Variants in ZNF540 observed in about 807,000 individuals in gnomAD.
ZNF540 encodes the protein CTD-3064H18.6.
A neutral mutation model predicts 11.8 loss-of-function variants in ZNF540; 3 were observed. That is an observed-to-expected ratio of 0.25 (90% CI 0.12 to 0.65). ZNF540 has a LOEUF of 0.65. Among genes scored for constraint, ZNF540 ranks in the 30% least tolerant of loss-of-function variants. ZNF540 has a pLI of 0.83. For missense variants in ZNF540, 709 were observed against 793.1 expected (o/e 0.89, Z 1.27); for synonymous variants, 247 against 259.0 (o/e 0.95, Z 0.45).
At chr19:37,552,928 C>T (rs561731586) in intron 1 of ZNF540, among the ~76,000 whole-genome samples, 31 of 151,332 alleles carry the variant, frequency 2.0e-4, no homozygotes, top group East Asian at 5.9e-4. Flanking sequence ...GCCTGGGTGA[C>T]GGGGTGAGAC....
At chr19:37,565,011 G>A (rs2093779814) in intron 1 of ZNF540, 1 of 1,613,704 alleles carries the variant, frequency 6.2e-7, no homozygotes, top group Non-Finnish European at 8.5e-7. Context: ...CATTCATAAT[G>A]TTTCTCACCA....
chr19:37,552,295 T>C (rs2042613911), intron 1 of ZNF540, among the ~76,000 whole-genome samples: 1 of 152,332 alleles, frequency 6.6e-6, no homozygotes, highest in South Asian at 2.1e-4. Flanking sequence ...GCTCAGAATA[T>C]AAACAAGCTT....
chr19:37,599,121 G>A (rs1199070902), intron 2 of ZNF540, among the ~76,000 whole-genome samples: 1 of 152,114 alleles, frequency 6.6e-6, no homozygotes, highest in Admixed American at 6.5e-5. Context: ...GTTCACCACT[G>A]TACTCCAGCG....
At chr19:37,555,799 A>C (rs550877297) in intron 1 of ZNF540, 16 of 657,958 alleles carry the variant, frequency 2.4e-5, no homozygotes, top group South Asian at 8.5e-5. Context: ...ACATGCCATA[A>C]TACTACTGAG....
intron 1 of ZNF540, among the ~76,000 whole-genome samples, chr19:37,553,113 CTTTTTTTTTTTTTT>C (rs746114598): frequency 2.1e-4 from 7 of 33,120 alleles, no homozygotes; most frequent in Admixed American, 5.1e-4. Flanking sequence ...AACCTAACAT[CTTTTTTTTTTTTTT>C]TTTTTTTTTT....
chr19:37,605,235 C>T (rs897176674), intron 4 of ZNF540, among the ~76,000 whole-genome samples: 11 of 151,840 alleles, frequency 7.2e-5, no homozygotes, highest in Admixed American at 2.0e-4. Flanking sequence ...CTAAGGCAGG[C>T]GGATCGCTTG....
intron 2 of ZNF540, 33 bp downstream of exon 2, chr19:37,598,489 AT>A: frequency 1.2e-6 from 2 of 1,612,552 alleles, no homozygotes; most frequent in Non-Finnish European, 1.7e-6. Flanking sequence ...TTTTTAGATT[AT>A]TTTGTTTTTA....
chr19:37,557,851 TAA>T (rs2042676947), intron 1 of ZNF540, among the ~76,000 whole-genome samples: 2 of 152,218 alleles, frequency 1.3e-5, no homozygotes, highest in African/African-American at 4.8e-5. Context: ...GGCCCAGAGT[TAA>T]CTTATCAGCC....
In ZNF540 at chr19:37,613,583, G is replaced by A. The variant is rs1174533377; in HGVS notation, c.*320G>A. ...GCTGTAAAATGAAACACACCTAAAAGTGTGGTTGTTTCCAACATGTATAAT... is the reference window on the plus strand; with the variant it reads ...GCTGTAAAATGAAACACACCTAAAAATGTGGTTGTTTCCAACATGTATAAT... On this transcript the variant is annotated 3_prime_UTR_variant, in exon 5 of 5. Coordinates refer to ENST00000316433, the MANE Select transcript of ZNF540 (RefSeq NM_001172225.3). 1 of 397,146 alleles carries A rather than the reference G, an allele frequency of 2.5e-6. No individual in the cohort carries two copies. Among genetic ancestry groups the A allele is most frequent in the Non-Finnish European group, 4.4e-6 (1 of 225,028 alleles). 24.6% of individuals were successfully genotyped at this position (397,146 alleles called of 1,614,324 possible).
At chr19:37,567,872 C>T (rs2042915895) in intron 1 of ZNF540, 1 of 152,054 alleles carries the variant, frequency 6.6e-6, no homozygotes, top group Admixed American at 6.6e-5. Flanking sequence ...GGGGAAAATG[C>T]CTGTTTTATT....
chr19:37,591,165 T>G (rs1002328022), upstream of ZNF540, among the ~76,000 whole-genome samples: 41 of 152,328 alleles, frequency 2.7e-4, no homozygotes, highest in African/African-American at 9.6e-4. Flanking sequence ...GAAACTCTAA[T>G]GCCCAGACAG....
rs1243065458 is a variant in ZNF540, at chr19:37,569,378, A to G, written c.-73+17713A>G. On this transcript the variant is annotated intron_variant, in intron 1 of 4. Transcript: ENST00000592533. This position sits in a 1 kb window ranked among gnomAD's most constrained non-coding sequence, Gnocchi z 4.4. ...AATCACATTATGTCACCATCTTAAG[A>G]TTTTTCAATAGCCTGCAAAAATTGG... Among the ~76,000 whole-genome samples, 1 of 152,100 alleles carries G rather than the reference A, an allele frequency of 6.6e-6. No individual in the cohort carries two copies. Among genetic ancestry groups the G allele is most frequent in the Non-Finnish European group, 1.5e-5 (1 of 68,012 alleles).
rs143718028 is a variant in ZNF540 at position 37,601,168 on chromosome 19, G to A, written c.232+63G>A. The A allele has an allele frequency of 6.4e-4, 897 of 1,397,968 alleles. 4 individuals carry two copies. The African/African-American group carries it at 0.012, about 19-fold the overall frequency. The allele number at this position is 1,397,968 out of a possible 1,614,324, so 86.6% of individuals were successfully genotyped here. A position where few individuals can be genotyped will look rare whatever the true frequency, so the allele number is the denominator to read the frequency against. ...TTGCCAGTCACGGCCAGCTGGTGAGGGAGCATATACAGGCTTTGCATGCTG... is the reference window on the plus strand; with the variant it reads ...TTGCCAGTCACGGCCAGCTGGTGAGAGAGCATATACAGGCTTTGCATGCTG... On this transcript the variant is annotated intron_variant, in intron 4 of 4. Coordinates refer to ENST00000316433, the MANE Select transcript of ZNF540 (RefSeq NM_001172225.3).
At chr19:37,611,327 A>G (rs1190170787) in intron 4 of ZNF540, 186 bp from the exon 5 acceptor site, 2 of 470,036 alleles carry the variant, frequency 4.3e-6, no homozygotes, top group African/African-American at 2.0e-5. Flanking sequence ...GCGCCCGGCT[A>G]TAATCTCTCA....
In ZNF540 at chr19:37,612,871, G is replaced by A; in HGVS notation, c.1591G>A (p.Ala531Thr). The change falls in exon 5 of 5, where the codon GCC becomes ACC. Residue 531 changes from alanine to threonine, a missense_variant. Transcript: ENST00000316433. ...CTATAAATGTAAAGAATGTGGAAAG[G>A]CCTTTATTCGTAGAGGGAATCTTAA... ...KPYKCKECGK[A>T]FIRRGNLKEH... The A allele has an allele frequency of 6.2e-7, 1 of 1,614,050 alleles. No homozygotes were observed. The highest frequency in any genetic ancestry group is 1.1e-5 in the South Asian group (1 of 91,070).
At chr19:37,591,678 G>A (rs1204538670), upstream of ZNF540, among the ~76,000 whole-genome samples, 1 of 152,010 alleles carries the variant, frequency 6.6e-6, no homozygotes. Context: ...CCGAGTAGCT[G>A]GGATTACAGG....
intron 1 of ZNF540, among the ~76,000 whole-genome samples, chr19:37,578,509 T>G (rs1395050040): frequency 6.6e-6 from 1 of 152,204 alleles, no homozygotes; most frequent in Non-Finnish European, 1.5e-5. Context: ...CAAGCCCATG[T>G]GGAGCACCAC....
intron 1 of ZNF540, among the ~76,000 whole-genome samples, chr19:37,589,617 T>C (rs1325271916): frequency 1.3e-5 from 2 of 152,058 alleles, no homozygotes; most frequent in East Asian, 3.9e-4. Flanking sequence ...CTAAGTTCCT[T>C]GAAGATACAC....
intron 1 of ZNF540, chr19:37,562,683 T>C (rs2042731087): frequency 2.0e-5 from 3 of 152,224 alleles, no homozygotes; most frequent in Admixed American, 6.5e-5. Flanking sequence ...ACATTCTAAT[T>C]AACAAGTTCA....
Sources: gnomAD v4.1 joint callset for allele counts (sites outside exome capture counted in the v4.1 genomes callset) on GRCh38, gnomAD v4.1.1 for gene constraint, Gnocchi (gnomAD v3.1) non-coding constraint, MANE v1.5 for transcripts, NCBI Gene and HGNC (gene_info 2026-07-23, HGNC 2026-07-21) for gene names.